MCU: variants seen among roughly 807,000 people sequenced by gnomAD.
MCU encodes calcium uniporter protein, mitochondrial.
A neutral mutation model predicts 45.2 loss-of-function variants in MCU; 12 were observed. The observed-to-expected ratio is 0.27, with a 90% CI of 0.17 to 0.43. The LOEUF is 0.43. Ranked by LOEUF, MCU falls within the 20% of genes least tolerant of loss-of-function variation. The pLI is 1.00. For missense variants in MCU, 324 were observed against 436.7 expected (o/e 0.74, Z 2.30); for synonymous variants, 160 against 165.1 (o/e 0.97, Z 0.24).
chr10:72,782,044 A>G (rs1189116428), intron 1 of MCU, among the ~76,000 whole-genome samples: 1 of 152,182 alleles, frequency 6.6e-6, no homozygotes, highest in Non-Finnish European at 1.5e-5. Flanking sequence ...TCCCCAGATC[A>G]TGAGTCTCTA....
intron 1 of MCU, among the ~76,000 whole-genome samples, chr10:72,832,337 C>T (rs1354555781): frequency 6.6e-6 from 1 of 152,102 alleles, no homozygotes; most frequent in Non-Finnish European, 1.5e-5. Context: ...GGCTAATTCT[C>T]CTATTAAAAC....
intron 2 of MCU, among the ~76,000 whole-genome samples, chr10:72,842,008 T>C (rs1646818588): frequency 6.6e-6 from 1 of 152,226 alleles, no homozygotes; most frequent in African/African-American, 2.4e-5. Flanking sequence ...GTTGTTGTTA[T>C]GGATTTGGCA....
chr10:72,778,558 G>T (rs192297249), intron 1 of MCU, among the ~76,000 whole-genome samples: 297 of 152,250 alleles, frequency 2.0e-3, no homozygotes, highest in African/African-American at 6.8e-3. Flanking sequence ...GGAGGCATGG[G>T]TAGAGGACAA....
intron 2 of MCU, among the ~76,000 whole-genome samples, chr10:72,852,662 T>A (rs756043963): frequency 3.9e-5 from 6 of 152,120 alleles, no homozygotes; most frequent in Admixed American, 1.3e-4. Context: ...AGCTTGGCCA[T>A]CTAGTTAAGA....
chr10:72,846,008 C>A (rs1845116537), intron 2 of MCU, among the ~76,000 whole-genome samples: 1 of 152,070 alleles, frequency 6.6e-6, no homozygotes, highest in Non-Finnish European at 1.5e-5. Flanking sequence ...CCACAGGCAA[C>A]CGCAGTCTGA....
At chr10:72,699,913 G>A (rs1842736417) in intron 1 of MCU, among the ~76,000 whole-genome samples, 1 of 151,006 alleles carries the variant, frequency 6.6e-6, no homozygotes. Context: ...TTTCTTAGTA[G>A]CTCAGCATCT....
chr10:72,800,096 AG>A (rs1172891893), intron 1 of MCU, among the ~76,000 whole-genome samples: 2 of 152,212 alleles, frequency 1.3e-5, no homozygotes, highest in East Asian at 3.8e-4. Context: ...GTCAAAACGC[AG>A]GAACACAACA....
chr10:72,726,516 T>C (rs1310213136), intron 1 of MCU, among the ~76,000 whole-genome samples: 4 of 152,118 alleles, frequency 2.6e-5, no homozygotes, highest in African/African-American at 9.7e-5. Flanking sequence ...CTGTTTTTTT[T>C]TGTCACTGTG....
chr10:72,772,075 A>G (rs1357582273), intron 1 of MCU, among the ~76,000 whole-genome samples: 1 of 152,266 alleles, frequency 6.6e-6, no homozygotes, highest in Non-Finnish European at 1.5e-5. Flanking sequence ...TGTGGGAAGC[A>G]CAGTGACTGC....
At position 72,779,097 on chromosome 10, in the gene MCU, G is replaced by C. The variant is rs184334435; in HGVS notation, c.151-55262G>C. Among the ~76,000 whole-genome samples the C allele has an allele frequency of 4.6e-5, 7 of 152,274 alleles. No homozygotes were observed. The East Asian group carries it at 1.4e-3, about 29-fold the overall frequency. ...TGATTCCTCTGCCTCAGCCTCCCGA[G>C]TAGCTGGGACTACAGGCACGTGCCA... On this transcript the variant is annotated intron_variant, in intron 1 of 7. Coordinates refer to ENST00000373053, the MANE Select transcript of MCU (RefSeq NM_138357.3).
chr10:72,812,479 G>T (rs1844560241), intron 1 of MCU, among the ~76,000 whole-genome samples: 1 of 152,174 alleles, frequency 6.6e-6, no homozygotes, highest in South Asian at 2.1e-4. Flanking sequence ...TTGATATGAG[G>T]TGGAGACAGT....
chr10:72,741,884 C>T (rs571169663), intron 1 of MCU, among the ~76,000 whole-genome samples: 15 of 151,954 alleles, frequency 9.9e-5, no homozygotes, highest in African/African-American at 9.7e-5. Context: ...AAAAATTAGT[C>T]GGGCATGGTG....
At chr10:72,714,345 CTTTTTTTTTTT>C (rs1160353409) in intron 1 of MCU, among the ~76,000 whole-genome samples, 9 of 54,768 alleles carry the variant, frequency 1.6e-4, no homozygotes, top group African/African-American at 5.2e-4. Flanking sequence ...CCGCCCTGGT[CTTTTTTTTTTT>C]TTTTTTTTTT....
intron 4 of MCU, among the ~76,000 whole-genome samples, chr10:72,866,765 G>A (rs1845463940): frequency 6.6e-6 from 1 of 152,060 alleles, no homozygotes; most frequent in African/African-American, 2.4e-5. Flanking sequence ...AAAGGGGACT[G>A]AGCTTGCAGG....
At chr10:72,814,771 G>A (rs1804423751) in intron 1 of MCU, among the ~76,000 whole-genome samples, 1 of 152,178 alleles carries the variant, frequency 6.6e-6, no homozygotes, top group Non-Finnish European at 1.5e-5. Flanking sequence ...TCTAACCAGT[G>A]AACCTTTATT....
chr10:72,728,177 G>T (rs189055229), intron 1 of MCU, among the ~76,000 whole-genome samples: 3 of 152,088 alleles, frequency 2.0e-5, no homozygotes, highest in Non-Finnish European at 4.4e-5. Flanking sequence ...ATTTCACATG[G>T]TGTCTCCATT....
At chr10:72,702,546 C>T (rs956423940) in intron 1 of MCU, among the ~76,000 whole-genome samples, 6 of 152,324 alleles carry the variant, frequency 3.9e-5, no homozygotes, top group African/African-American at 1.4e-4. Context: ...AAAGAGTTCA[C>T]AGTCTGGCCA....
intron 2 of MCU, among the ~76,000 whole-genome samples, chr10:72,838,734 G>C (rs771151894): frequency 1.3e-5 from 2 of 152,002 alleles, no homozygotes; most frequent in Non-Finnish European, 2.9e-5. Flanking sequence ...AATTGTTTGC[G>C]GGCAAATAAT....
intron 1 of MCU, among the ~76,000 whole-genome samples, chr10:72,789,657 A>G (rs896640713): frequency 1.3e-5 from 2 of 152,174 alleles, no homozygotes; most frequent in African/African-American, 2.4e-5. Flanking sequence ...TAAGATTGGT[A>G]AAGTTTACCT....
Sources: gnomAD v4.1 joint callset for allele counts (sites outside exome capture counted in the v4.1 genomes callset) on GRCh38, gnomAD v4.1.1 for gene constraint, MANE v1.5 for transcripts, NCBI Gene and HGNC (gene_info 2026-07-23, HGNC 2026-07-21) for gene names.